The following ZNF609 variants were observed in gnomAD, a reference collection of about 807,000 sequenced individuals.
The protein encoded by ZNF609 is zinc finger protein 609.
ZNF609 carries 11 observed loss-of-function variants against 109.5 expected under a neutral mutation model. That is an observed-to-expected ratio of 0.10 (90% CI 0.06 to 0.17). The LOEUF (loss-of-function observed/expected upper bound fraction) is 0.17. Ranked by LOEUF, ZNF609 falls within the 10% of genes least tolerant of loss-of-function variation. The pLI is 1.00. For missense variants in ZNF609, 1,559 were observed against 1,772.4 expected (o/e 0.88, Z 2.16); for synonymous variants, 646 against 662.0 (o/e 0.98, Z 0.37).
intron 2 of ZNF609, chr15:64,500,678 T>C: frequency 2.0e-6 from 1 of 489,552 alleles, no homozygotes; most frequent in Non-Finnish European, 3.6e-6. Flanking sequence ...AAGTGTTCTA[T>C]TGCCGGCTAC....
At chr15:64,670,267 G>C in intron 3 of ZNF609, 79 bp from the exon 4 acceptor site, 1 of 1,164,934 alleles carries the variant, frequency 8.6e-7, no homozygotes, top group South Asian at 1.2e-5. Flanking sequence ...ATAGAAGTCA[G>C]AGTGCTGATC....
rs182404180 is a variant in ZNF609 at position 64,624,481 on chromosome 15, G to A, written c.973+1429G>A. ...CAGTATATTGAAGATAGAATAAATC[G>A]ATTTCCTGCCTGTTTGTTCTGCTTG... is the stretch of plus-strand genomic sequence containing the variant. On this transcript the variant is annotated intron_variant, in intron 3 of 9. Coordinates refer to ENST00000326648, the MANE Select transcript of ZNF609 (RefSeq NM_015042.2). Among the ~76,000 whole-genome samples, 23 of 151,826 alleles carry A rather than the reference G, an allele frequency of 1.5e-4. No individual in the cohort carries two copies. In the East Asian group the frequency reaches 4.3e-3, roughly 28 times the overall value.
chr15:64,462,489 C>A (rs1462235140), intron 1 of ZNF609, among the ~76,000 whole-genome samples: 1 of 152,048 alleles, frequency 6.6e-6, no homozygotes, highest in African/African-American at 2.4e-5. Context: ...GGAGTCAAGC[C>A]CAGGTGTGGT....
chr15:64,644,981 T>TTTTCTTTCTTTCTTTCTTTCTTTCTTTC (rs147608283), intron 3 of ZNF609, among the ~76,000 whole-genome samples: 4 of 139,580 alleles, frequency 2.9e-5, no homozygotes, highest in Admixed American at 7.0e-5. Context: ...CTTTCTTTCT[T>TTTTCTTTCTTTCTTTCTTTCTTTCTTTC]TTTCTTTCTT....
chr15:64,461,779 A>G (rs1341927172), intron 1 of ZNF609, among the ~76,000 whole-genome samples: 1 of 152,186 alleles, frequency 6.6e-6, no homozygotes, highest in Non-Finnish European at 1.5e-5. Flanking sequence ...GTCTGTTTCC[A>G]GCCATGTGTC....
chr15:64,605,977 G>A (rs1405541846), intron 2 of ZNF609, among the ~76,000 whole-genome samples: 2 of 134,578 alleles, frequency 1.5e-5, no homozygotes, highest in African/African-American at 2.8e-5. Flanking sequence ...GGATGGTCTC[G>A]ATCTCCTGAC....
Position 64,681,729 on chromosome 15 carries a change from G to A in ZNF609, c.*43G>A, listed in dbSNP as rs773188577. 27 of 216,562 alleles carry A rather than the reference G, an allele frequency of 1.2e-4. No homozygotes were observed. The highest frequency in any genetic ancestry group is 5.2e-4 in the African/African-American group (23 of 44,602). 13.4% of individuals were successfully genotyped at this position (216,562 alleles called of 1,614,324 possible). On this transcript the variant is annotated 3_prime_UTR_variant, in exon 10 of 10. Transcript: ENST00000326648. ...CGGATAAAGTCAGCTTCACGGGCCC[G>A]GACTGGCTTACCCAAGGAGGTGCTG... is the stretch of plus-strand genomic sequence containing the variant.
chr15:64,681,241 A>C (rs2141020711), intron 8 of ZNF609, 68 bp from the exon 9 acceptor site: 2 of 1,486,618 alleles, frequency 1.3e-6, no homozygotes, highest in East Asian at 4.6e-5. Context: ...GCACCCCAAA[A>C]CTCAGGGAAA....
intron 2 of ZNF609, among the ~76,000 whole-genome samples, chr15:64,529,854 C>T (rs955678333): frequency 1.3e-5 from 2 of 152,248 alleles, no homozygotes; most frequent in Non-Finnish European, 2.9e-5. Context: ...CCTCAGCCTC[C>T]TGCGTAGCTG....
chr15:64,589,054 C>G (rs1262199745), intron 2 of ZNF609, among the ~76,000 whole-genome samples: 1 of 152,110 alleles, frequency 6.6e-6, no homozygotes, highest in African/African-American at 2.4e-5. Context: ...TGAATTTGGT[C>G]CTGGGTTGCT....
intron 2 of ZNF609, among the ~76,000 whole-genome samples, chr15:64,585,482 A>T (rs895124150): frequency 1.3e-5 from 2 of 152,192 alleles, no homozygotes; most frequent in Non-Finnish European, 2.9e-5. Flanking sequence ...AATCTGAGGT[A>T]TATTTCTGCT....
chr15:64,674,505 G>A lies in ZNF609; in HGVS notation c.1651G>A (p.Ala551Thr). 1 of 1,614,160 alleles carries A rather than the reference G, an allele frequency of 6.2e-7. No homozygotes were observed. Among genetic ancestry groups the A allele is most frequent in the South Asian group, 1.1e-5 (1 of 91,078 alleles). The change falls in exon 5 of 10, where the codon GCA (alanine) becomes ACA (threonine). Residue 551 changes from alanine (A) to threonine (T), a missense_variant. Physicochemically the swap from Ala to Thr is moderately conservative, Grantham distance 58. Transcript: ENST00000326648. ...TGCAGATCTTGGGAGCTGCAACGGTGCATCTGTCTCACAAAAAGGTTCCTT... is the reference window on the plus strand; with the variant it reads ...TGCAGATCTTGGGAGCTGCAACGGTACATCTGTCTCACAAAAAGGTTCCTT... Reference protein sequence around the residue: ...LHADLGSCNGASVSQKGSLSP... With the variant: ...LHADLGSCNGTSVSQKGSLSP...
At chr15:64,623,290 G>A (rs1895906246) in intron 3 of ZNF609, among the ~76,000 whole-genome samples, 1 of 152,194 alleles carries the variant, frequency 6.6e-6, no homozygotes, top group African/African-American at 2.4e-5. Context: ...ATGCAGTCAT[G>A]TGATAGGTAT....
At chr15:64,596,146 C>T (rs1895394165) in intron 2 of ZNF609, among the ~76,000 whole-genome samples, 1 of 151,928 alleles carries the variant, frequency 6.6e-6, no homozygotes, top group South Asian at 2.1e-4. Flanking sequence ...TAAATATATG[C>T]CAAGCTCTTT....
chr15:64,634,254 A>T (rs541219537), intron 3 of ZNF609, among the ~76,000 whole-genome samples: 1 of 152,198 alleles, frequency 6.6e-6, no homozygotes, highest in Admixed American at 6.5e-5. Flanking sequence ...TCTGTGGTTG[A>T]GCCCTTTGCT....
chr15:64,545,255 G>A (rs1567010495), intron 2 of ZNF609, among the ~76,000 whole-genome samples: 1 of 151,792 alleles, frequency 6.6e-6, no homozygotes, highest in Non-Finnish European at 1.5e-5. Flanking sequence ...TTGGAGTGCA[G>A]TGGCGTGACC....
intron 2 of ZNF609, among the ~76,000 whole-genome samples, chr15:64,514,230 A>G (rs559607735): frequency 2.8e-4 from 43 of 152,164 alleles, no homozygotes; most frequent in Non-Finnish European, 5.1e-4. Flanking sequence ...CCAGTTACAT[A>G]CAGTTGATTT....
chr15:64,566,004 A>T (rs1361828728), intron 2 of ZNF609, among the ~76,000 whole-genome samples: 1 of 152,114 alleles, frequency 6.6e-6, no homozygotes, highest in Non-Finnish European at 1.5e-5. Context: ...GTGCACCACC[A>T]TGCCCGGCTA....
chr15:64,625,648 T>G (rs1052369731), intron 3 of ZNF609, among the ~76,000 whole-genome samples: 4 of 151,902 alleles, frequency 2.6e-5, no homozygotes, highest in African/African-American at 4.8e-5. Flanking sequence ...CCCAGCACTT[T>G]AGGAGGCCGA....
Sources: allele counts gnomAD v4.1 joint callset (sites outside exome capture counted in the v4.1 genomes callset), GRCh38; gene constraint gnomAD v4.1.1; transcripts MANE v1.5; gene names NCBI Gene and HGNC (gene_info 2026-07-23, HGNC 2026-07-21).